TKTL1: variants seen among roughly 807,000 people sequenced by gnomAD.
TKTL1 encodes transketolase like 1, also known as transketolase-like protein 1.
TKTL1 carries 1 observed loss-of-function variant against 39.3 expected under a neutral mutation model. That is an observed-to-expected ratio of 0.03 (90% CI 0.01 to 0.12). TKTL1 has a LOEUF of 0.12. TKTL1 is among the 10% of genes least tolerant of loss of function. The pLI is 1.00. For missense variants in TKTL1, 575 were observed against 509.6 expected (o/e 1.13, Z -1.24); for synonymous variants, 262 against 193.8 (o/e 1.35, Z -2.92).
chrX:154,296,026 A>T, intron 1 of TKTL1, 33 bp downstream of exon 1: 2 of 1,203,541 alleles, frequency 1.7e-6, no homozygotes, highest in Non-Finnish European at 1.1e-6. Context: ...TGGGTCATGC[A>T]GGGCCACGGG....
chrX:154,304,345 T>G lies in TKTL1; in HGVS notation c.135-959T>G, dbSNP rs1382373761. Among the ~76,000 whole-genome samples the G allele has an allele frequency of 2.7e-5, 3 of 111,379 alleles. No individual in the cohort carries two copies. In the Admixed American group the frequency reaches 2.8e-4, roughly 11 times the overall value. ...GAATGTCCACGCCAGCCCTGCAGCC[T>G]GGTGGGCTCTGCCATCAGCACCCCA... On this transcript the variant is annotated intron_variant, in intron 1 of 12. Transcript: ENST00000369915.
At chrX:154,307,075 C>T (rs1557167376) in intron 2 of TKTL1, among the ~76,000 whole-genome samples, 1 of 110,935 alleles carries the variant, frequency 9.0e-6, no homozygotes, top group East Asian at 2.8e-4. Context: ...CTCTTGAGAC[C>T]AGCCTGGGCA....
chrX:154,317,374 G>A (rs889554165), intron 7 of TKTL1, among the ~76,000 whole-genome samples: 3 of 111,410 alleles, frequency 2.7e-5, no homozygotes, highest in African/African-American at 9.8e-5. Context: ...GGGGTCAGCC[G>A]TGTGCAGATG....
chrX:154,295,918 C>T lies in TKTL1; in HGVS notation c.59C>T (p.Thr20Ile), dbSNP rs1557164249. The T allele has an allele frequency of 8.3e-7, 1 of 1,211,615 alleles. No individual in the cohort carries two copies. Among genetic ancestry groups the T allele is most frequent in the East Asian group, 3.0e-5 (1 of 33,831 alleles). ...FPEEARPDRG[T>I]LQVLQDMASR... ...GAGGAGGCCAGACCTGACAGGGGCACCTTGCAGGTGTTGCAAGATATGGCC... is the reference window on the plus strand; with the variant it reads ...GAGGAGGCCAGACCTGACAGGGGCATCTTGCAGGTGTTGCAAGATATGGCC... The change falls in exon 1 of 13, where the codon ACC becomes ATC. Residue 20 changes from threonine (T) to isoleucine (I), a missense_variant. Coordinates refer to ENST00000369915, the MANE Select transcript of TKTL1 (RefSeq NM_012253.4).
At chrX:154,306,364 C>G (rs1557167210) in intron 2 of TKTL1, among the ~76,000 whole-genome samples, 3 of 111,450 alleles carry the variant, frequency 2.7e-5, no homozygotes, top group African/African-American at 9.8e-5. Context: ...GCCAGATTAG[C>G]ACAGTGGGAA....
At chrX:154,314,141 C>T (rs782022208) in intron 6 of TKTL1, among the ~76,000 whole-genome samples, 19 of 110,978 alleles carry the variant, frequency 1.7e-4, no homozygotes, top group African/African-American at 5.9e-4. Flanking sequence ...GCACCAGGCT[C>T]ACCAGGTTAT....
intron 8 of TKTL1, among the ~76,000 whole-genome samples, chrX:154,322,335 C>T (rs1471499780): frequency 9.2e-6 from 1 of 108,559 alleles, no homozygotes; most frequent in Non-Finnish European, 1.9e-5. Flanking sequence ...AGTTTGAGAC[C>T]AGCCTGACCA....
chrX:154,299,740 C>T (rs192125293), intron 1 of TKTL1, among the ~76,000 whole-genome samples: 160 of 111,640 alleles, frequency 1.4e-3, no homozygotes, highest in Middle Eastern at 9.2e-3. Context: ...AAAATAATGA[C>T]CTCCAGCTCC....
chrX:154,299,775 G>GT (rs1469231096), intron 1 of TKTL1, among the ~76,000 whole-genome samples: 16 of 111,699 alleles, frequency 1.4e-4, no homozygotes, highest in African/African-American at 4.6e-4. Flanking sequence ...AAAATACATT[G>GT]TTTTTTATGG....
chrX:154,329,497 A>G lies in TKTL1; in HGVS notation c.1619-19A>G, dbSNP rs199835721. On this transcript the variant is annotated intron_variant, in intron 12 of 12. Coordinates refer to ENST00000369915, the MANE Select transcript of TKTL1 (RefSeq NM_012253.4). Reference sequence around the variant, plus strand: ...ACGAGCTGCTTTCACAAAAGGGCCTAACATCCTTGTTTCCCCAGGTGGCAT... The same window carrying G: ...ACGAGCTGCTTTCACAAAAGGGCCTGACATCCTTGTTTCCCCAGGTGGCAT... 12 of 1,207,104 alleles carry G rather than the reference A, an allele frequency of 9.9e-6. No individual in the cohort carries two copies. In the East Asian group the frequency reaches 2.1e-4, roughly 21 times the overall value.
chrX:154,319,281 T>C (rs1168039519), intron 7 of TKTL1, among the ~76,000 whole-genome samples: 2 of 112,529 alleles, frequency 1.8e-5, no homozygotes, highest in African/African-American at 6.5e-5. Context: ...GTTGACAGTT[T>C]CATTAATTAA....
At chrX:154,298,519 C>A (rs782515561) in intron 1 of TKTL1, among the ~76,000 whole-genome samples, 1 of 112,102 alleles carries the variant, frequency 8.9e-6, no homozygotes, top group African/African-American at 3.2e-5. Context: ...CAGGACAAGC[C>A]TGGGCAACAT....
At position 154,305,379 on chromosome X, in the gene TKTL1, A is replaced by C; in HGVS notation, c.210A>C (p.Ser70=). ...LFFYIMRYKQ[S]DPENPDNDRF... ...TCTACATCATGAGGTACAAGCAGTC[A>C]GATCCAGAGAATCCGGACAACGACC... Residue 70 remains serine, a synonymous_variant, in exon 2 of 13, where the codon TCA becomes TCC. Coordinates refer to ENST00000369915, the MANE Select transcript of TKTL1 (RefSeq NM_012253.4). 1 of 1,210,770 alleles carries C rather than the reference A, an allele frequency of 8.3e-7. No individual in the cohort carries two copies. Among genetic ancestry groups the C allele is most frequent in the Non-Finnish European group, 1.1e-6 (1 of 894,716 alleles).
At chrX:154,312,843 T>G in intron 6 of TKTL1, 70 bp downstream of exon 6, 1 of 995,475 alleles carries the variant, frequency 1.0e-6, no homozygotes, top group South Asian at 2.6e-5. Flanking sequence ...GTTGTTCGTA[T>G]GTACACAGGA....
intron 1 of TKTL1, among the ~76,000 whole-genome samples, chrX:154,300,939 C>T (rs1411534800): frequency 1.8e-5 from 2 of 109,685 alleles, no homozygotes; most frequent in African/African-American, 6.6e-5. Flanking sequence ...AGGTGATCTG[C>T]CCATCTCGGC....
intron 10 of TKTL1, among the ~76,000 whole-genome samples, chrX:154,326,616 G>A (rs1557172037): frequency 1.8e-5 from 2 of 112,395 alleles, no homozygotes; most frequent in Non-Finnish European, 1.9e-5. Context: ...GCTGGAAAAC[G>A]CCACCAAATG....
chrX:154,329,660 T>C lies in TKTL1; in HGVS notation c.1763T>C (p.Val588Ala), dbSNP rs1226155021. The change falls in exon 13 of 13, where the codon GTG becomes GCG. Residue 588 changes from valine to alanine, a missense_variant. Transcript: ENST00000369915. The stretch of plus-strand genomic sequence containing the variant: ...GGAATTAGTGCCAGACATATCATAG[T>C]GGCCGTGAAATGCATGTTGCTGAAC... ...MYGISARHIIVAVKCMLLN is the reference protein window; with the variant it reads ...MYGISARHIIAAVKCMLLN 1 of 1,209,982 alleles carries C rather than the reference T, an allele frequency of 8.3e-7. No individual in the cohort carries two copies. Among genetic ancestry groups the C allele is most frequent in the Non-Finnish European group, 1.1e-6 (1 of 894,934 alleles).
At chrX:154,302,197 CT>C (rs1204928242) in intron 1 of TKTL1, among the ~76,000 whole-genome samples, 14 of 106,295 alleles carry the variant, frequency 1.3e-4, no homozygotes, top group South Asian at 4.0e-4. Context: ...ATTCCTCTTT[CT>C]TTTTTTTTTG....
chrX:154,325,492 C>T (rs782250931), intron 10 of TKTL1, 70 bp downstream of exon 10: 1 of 940,819 alleles, frequency 1.1e-6, no homozygotes. Context: ...GAATCTATCA[C>T]CAGCTATCTT....
Sources: gnomAD v4.1 joint callset for allele counts (sites outside exome capture counted in the v4.1 genomes callset) on GRCh38, gnomAD v4.1.1 for gene constraint, MANE v1.5 for transcripts, NCBI Gene and HGNC (gene_info 2026-07-23, HGNC 2026-07-21) for gene names.